The following ZNF609 variants were observed in gnomAD, a reference collection of about 807,000 sequenced individuals.
ZNF609 encodes the protein zinc finger protein 609.
ZNF609 carries 11 observed loss-of-function variants against 109.5 expected under a neutral mutation model. That is an observed-to-expected ratio of 0.10 (90% CI 0.06 to 0.17). The LOEUF (loss-of-function observed/expected upper bound fraction) is 0.17. Ranked by LOEUF, ZNF609 falls within the 10% of genes least tolerant of loss-of-function variation. ZNF609 has a pLI of 1.00. For missense variants in ZNF609, 1,559 were observed against 1,772.4 expected, an observed-to-expected ratio of 0.88 and a Z score of 2.16; for synonymous variants, 646 against 662.0, an observed-to-expected ratio of 0.98 and a Z score of 0.37.
intron 2 of ZNF609, among the ~76,000 whole-genome samples, chr15:64,546,712 A>C (rs1894367941): frequency 6.6e-6 from 1 of 151,574 alleles, no homozygotes; most frequent in Non-Finnish European, 1.5e-5. Context: ...AGACTCAAGC[A>C]ATCCACCTGC....
chr15:64,598,272 G>C (rs936488394), intron 2 of ZNF609, among the ~76,000 whole-genome samples: 1 of 151,928 alleles, frequency 6.6e-6, no homozygotes, highest in African/African-American at 2.4e-5. Flanking sequence ...GCACCACCAC[G>C]CCTGGCTAAT....
intron 1 of ZNF609, among the ~76,000 whole-genome samples, chr15:64,498,941 CTG>C (rs1893519808): frequency 6.6e-6 from 1 of 152,102 alleles, no homozygotes; most frequent in Non-Finnish European, 1.5e-5. Flanking sequence ...GAGCTTGCAT[CTG>C]TGATATGCCA....
chr15:64,594,641 A>C lies in ZNF609; in HGVS notation c.748-28186A>C, dbSNP rs75429521. On this transcript the variant is annotated intron_variant, in intron 2 of 9. Transcript: ENST00000326648. ...GCATGAGCCACTGCACCTGGTCACA[A>C]AATGTAAAGATTTTGAGGGCCATTG... is the stretch of plus-strand genomic sequence containing the variant. 5.9e-3 allele frequency among the ~76,000 whole-genome samples: 901 copies of C among 152,086 alleles called. 12 individuals are homozygous for C. The highest frequency in any genetic ancestry group is 0.021 in the African/African-American group (865 of 41,486).
At chr15:64,570,287 A>G (rs2140412939) in intron 2 of ZNF609, among the ~76,000 whole-genome samples, 1 of 152,346 alleles carries the variant, frequency 6.6e-6, no homozygotes, top group Non-Finnish European at 1.5e-5. Context: ...TATATCTTCC[A>G]CAGTTATAAC....
At chr15:64,665,109 T>G (rs1294272556) in intron 3 of ZNF609, among the ~76,000 whole-genome samples, 1 of 152,238 alleles carries the variant, frequency 6.6e-6, no homozygotes, top group Non-Finnish European at 1.5e-5. Flanking sequence ...TTAGCCTAAT[T>G]ACTTCTTTAG....
intron 2 of ZNF609, among the ~76,000 whole-genome samples, chr15:64,590,112 T>C (rs2140937286): frequency 6.6e-6 from 1 of 152,298 alleles, no homozygotes; most frequent in South Asian, 2.1e-4. Flanking sequence ...CTTTCCTGGC[T>C]GCCAACTACT....
chr15:64,481,904 C>T (rs1893259392), intron 1 of ZNF609, among the ~76,000 whole-genome samples: 1 of 152,100 alleles, frequency 6.6e-6, no homozygotes, highest in African/African-American at 2.4e-5. Flanking sequence ...CCTGCCTCAG[C>T]CTCCTGAGTA....
intron 1 of ZNF609, among the ~76,000 whole-genome samples, chr15:64,487,589 T>C (rs1893350483): frequency 6.6e-6 from 1 of 152,158 alleles, no homozygotes; most frequent in Admixed American, 6.6e-5. Context: ...GACTGCTTTT[T>C]TCACCTTTGA....
At chr15:64,549,964 T>C (rs1244145113) in intron 2 of ZNF609, among the ~76,000 whole-genome samples, 1 of 152,022 alleles carries the variant, frequency 6.6e-6, no homozygotes, top group Non-Finnish European at 1.5e-5. Context: ...TTTTTTCTTT[T>C]CTTCATGTTT....
intron 1 of ZNF609, among the ~76,000 whole-genome samples, chr15:64,478,495 C>CAAGT (rs969171971): frequency 6.6e-6 from 1 of 152,028 alleles, no homozygotes; most frequent in Non-Finnish European, 1.5e-5. Flanking sequence ...CTCAGCCTTC[C>CAAGT]AAGTAGCTGG....
intron 3 of ZNF609, among the ~76,000 whole-genome samples, chr15:64,638,618 A>C (rs996273350): frequency 6.6e-6 from 1 of 152,092 alleles, no homozygotes; most frequent in Admixed American, 6.6e-5. Context: ...TTAGCTGGCC[A>C]GGCACCATGG....
intron 2 of ZNF609, among the ~76,000 whole-genome samples, chr15:64,582,305 C>G (rs1217461282): frequency 6.6e-6 from 1 of 152,196 alleles, no homozygotes; most frequent in Non-Finnish European, 1.5e-5. Context: ...ACAGAGTTTA[C>G]TGACTCCTGC....
chr15:64,607,835 CT>C lies in ZNF609; in HGVS notation c.748-14989del, dbSNP rs1327360812. 6.3e-3 allele frequency among the ~76,000 whole-genome samples: 137 copies of C among 21,844 alleles called. 8 individuals carry two copies. Among genetic ancestry groups the C allele is most frequent in the East Asian group, 0.037 (8 of 216 alleles). 14.3% of individuals were successfully genotyped at this position (21,844 alleles called of 152,430 possible). On this transcript the variant is annotated intron_variant, in intron 2 of 9. Transcript: ENST00000326648. ...TGTTTTCTTCTTTCTTTCTTTCTTT[CT>C]TTCTTTCTTTCTTTCTTTCTTTCTT...
intron 3 of ZNF609, among the ~76,000 whole-genome samples, chr15:64,625,348 A>G (rs766766676): frequency 2.0e-5 from 3 of 151,546 alleles, no homozygotes; most frequent in Non-Finnish European, 2.9e-5. Flanking sequence ...GTGAAACCCT[A>G]TCTCTACTAA....
chr15:64,637,682 C>G (rs1352965699), intron 3 of ZNF609, among the ~76,000 whole-genome samples: 1 of 151,952 alleles, frequency 6.6e-6, no homozygotes. Context: ...TTGGAAATCT[C>G]TTTTACGAAG....
At chr15:64,543,407 G>A (rs756278991) in intron 2 of ZNF609, among the ~76,000 whole-genome samples, 11 of 146,300 alleles carry the variant, frequency 7.5e-5, no homozygotes, top group Admixed American at 2.7e-4. Context: ...TTTTTTCTCT[G>A]CTTAAAACAC....
chr15:64,654,409 T>C (rs1896460709), intron 3 of ZNF609: 1 of 152,216 alleles, frequency 6.6e-6, no homozygotes, highest in Non-Finnish European at 1.5e-5. Context: ...TATGGTAAGA[T>C]ATCGTTCACT....
chr15:64,676,632 C>T (rs944549670), intron 5 of ZNF609, among the ~76,000 whole-genome samples: 2 of 151,672 alleles, frequency 1.3e-5, no homozygotes, highest in Admixed American at 6.6e-5. Flanking sequence ...TGGGGCTTCA[C>T]CATCTTGGTC....
At chr15:64,620,995 C>T (rs1895867128) in intron 2 of ZNF609, among the ~76,000 whole-genome samples, 1 of 152,162 alleles carries the variant, frequency 6.6e-6, no homozygotes, top group Admixed American at 6.5e-5. Flanking sequence ...GTATGATCTT[C>T]TCTGAATGTC....
Sources: gnomAD v4.1 joint callset for allele counts (sites outside exome capture counted in the v4.1 genomes callset) on GRCh38, gnomAD v4.1.1 for gene constraint, MANE v1.5 for transcripts, NCBI Gene and HGNC (gene_info 2026-07-23, HGNC 2026-07-21) for gene names.